Variants in PTGER2 observed in about 807,000 individuals in gnomAD.
PTGER2 encodes prostaglandin E2 receptor EP2 subtype.
A neutral mutation model predicts 26.2 loss-of-function variants in PTGER2; 22 were observed. That is an observed-to-expected ratio of 0.84 (90% confidence interval 0.60 to 1.20). The LOEUF (loss-of-function observed/expected upper bound fraction) is 1.20, where lower values mean the gene tolerates loss of function less well. Among genes scored for constraint, PTGER2 ranks in the 50% most tolerant of loss-of-function variants. PTGER2 has a pLI of 0.00. For missense variants in PTGER2, 458 were observed against 475.2 expected (o/e 0.96, Z 0.34); for synonymous variants, 219 against 208.9 (o/e 1.05, Z -0.42).
intron 1 of PTGER2, among the ~76,000 whole-genome samples, chr14:52,321,862 A>G (rs2033899095): frequency 2.0e-5 from 3 of 152,346 alleles, no homozygotes; most frequent in Middle Eastern, 3.4e-3. Context: ...ATCAGATTGT[A>G]TATTAATGGT....
chr14:52,324,049 T>C (rs942933076), intron 1 of PTGER2, among the ~76,000 whole-genome samples: 1 of 152,224 alleles, frequency 6.6e-6, no homozygotes, highest in Non-Finnish European at 1.5e-5. Context: ...GGGCAGTTAT[T>C]GTTTAATGGG....
chr14:52,314,759 G>T lies in PTGER2; in HGVS notation c.211G>T (p.Val71Leu), dbSNP rs781057105. ...CTCCCTCTCCTTGTTCCACGTGCTG[G>T]TGACCGAGCTGGTGTTCACCGACCT... ...RSSLSLFHVL[V>L]TELVFTDLLG... Residue 71 changes from valine (V) to leucine (L), a missense_variant, in exon 1 of 2, where the codon GTG (valine) becomes TTG (leucine). Val to Leu is a conservative substitution (Grantham distance 32). Transcript: ENST00000245457. The surrounding 1 kb of genome is among the most constrained non-coding windows in gnomAD (Gnocchi z 5.7). 1 of 1,603,864 alleles carries T rather than the reference G, an allele frequency of 6.2e-7. No individual in the cohort carries two copies. The highest frequency in any genetic ancestry group is 1.1e-5 in the South Asian group (1 of 90,692).
rs935989917 is a variant in PTGER2 at position 52,324,722 on chromosome 14, A to G, written c.844-2499A>G. ...ATTTTTTAAAATCCCAGTATCCATA[A>G]GATCAAAAATATAGTAATCTAGGCA... On this transcript the variant is annotated intron_variant, in intron 1 of 1. Transcript: ENST00000245457. Among the ~76,000 whole-genome samples, 5 of 152,250 alleles carry G rather than the reference A, an allele frequency of 3.3e-5. 1 individual carries two copies. The highest frequency in any genetic ancestry group is 1.3e-4 in the Admixed American group (2 of 15,288).
chr14:52,327,102 A>G, intron 1 of PTGER2, 119 bp from the exon 2 acceptor site: 1 of 706,012 alleles, frequency 1.4e-6, no homozygotes, highest in South Asian at 1.9e-5. Flanking sequence ...TTCGTTCCCC[A>G]CCACTACCAC....
chr14:52,316,871 C>T (rs1020264570), intron 1 of PTGER2, among the ~76,000 whole-genome samples: 5 of 152,158 alleles, frequency 3.3e-5, no homozygotes, highest in East Asian at 3.8e-4. Flanking sequence ...AAAATGAAGT[C>T]GGACTGTGGG....
chr14:52,327,175 G>C (rs373505677), intron 1 of PTGER2, 46 bp from the exon 2 acceptor site: 1 of 1,375,384 alleles, frequency 7.3e-7, no homozygotes, highest in African/African-American at 1.4e-5. Context: ...CCTGTCTACT[G>C]CTACGATGTA....
At position 52,323,723 on chromosome 14, in the gene PTGER2, A is replaced by G. The variant is rs545510379; in HGVS notation, c.844-3498A>G. On this transcript the variant is annotated intron_variant, in intron 1 of 1. Transcript: ENST00000245457. ...TTTCTATGGGAGGCTGCTTCTATAC[A>G]TGACAATGCTAAAATAGCACTAATT... 3.3e-5 allele frequency among the ~76,000 whole-genome samples: 5 copies of G among 152,378 alleles called. No homozygotes were observed. The South Asian group carries it at 1.0e-3, about 32-fold the overall frequency.
rs2033828512 is a variant in PTGER2, at chr14:52,315,332, C to A, written c.784C>A (p.His262Asn). 2 of 1,613,330 alleles carry A rather than the reference C, an allele frequency of 1.2e-6. No homozygotes were observed. Among genetic ancestry groups the A allele is most frequent in the Non-Finnish European group, 1.7e-6 (2 of 1,179,860 alleles). ...GGTGTCCATGGCGGAGGAGACGGAC[C>A]ACCTCATTCTCCTGGCTATCATGAC... is the stretch of plus-strand genomic sequence containing the variant. ...ERVSMAEETD[H>N]LILLAIMTIT... Residue 262 changes from histidine (H) to asparagine (N), a missense_variant, in exon 1 of 2, where the codon CAC (histidine) becomes AAC (asparagine). Physicochemically the swap from His to Asn is moderately conservative, Grantham distance 68. Transcript: ENST00000245457.
chr14:52,327,594 C>T lies in PTGER2; in HGVS notation c.*140C>T, dbSNP rs984624235. On this transcript the variant is annotated 3_prime_UTR_variant, in exon 2 of 2. Coordinates refer to ENST00000245457, the MANE Select transcript of PTGER2 (RefSeq NM_000956.4). ...AGTATACAAACATTTAAGCTGTGGTCAAGGCTACAGATGTGCTGACAAGGC... is the reference window on the plus strand; with the variant it reads ...AGTATACAAACATTTAAGCTGTGGTTAAGGCTACAGATGTGCTGACAAGGC... 2 of 716,346 alleles carry T rather than the reference C, an allele frequency of 2.8e-6. No homozygotes were observed. Among genetic ancestry groups the T allele is most frequent in the African/African-American group, 3.6e-5 (2 of 55,900 alleles). 44.4% of individuals were successfully genotyped at this position (716,346 alleles called of 1,614,324 possible). A position where few individuals can be genotyped will look rare whatever the true frequency, so the allele number is the denominator to read the frequency against.
intron 1 of PTGER2, 45 bp from the exon 2 acceptor site, chr14:52,327,176 C>A: frequency 7.2e-7 from 1 of 1,379,584 alleles, no homozygotes; most frequent in Non-Finnish European, 1.0e-6. Flanking sequence ...CTGTCTACTG[C>A]TACGATGTAA....
In PTGER2 at chr14:52,327,462, A is replaced by C; in HGVS notation, c.*8A>C. ...AAACAGGCTGACCTTTGAGGTCAGT[A>C]GTTTAAAAGTTCTTAGTTATATAGC... On this transcript the variant is annotated 3_prime_UTR_variant, in exon 2 of 2. Coordinates refer to ENST00000245457, the MANE Select transcript of PTGER2 (RefSeq NM_000956.4). The C allele has an allele frequency of 1.3e-6, 2 of 1,554,336 alleles. No homozygotes were observed. Among genetic ancestry groups the C allele is most frequent in the Non-Finnish European group, 1.8e-6 (2 of 1,130,294 alleles).
In PTGER2 at chr14:52,328,366, G is replaced by C. The variant is rs770218794; in HGVS notation, c.*912G>C. On this transcript the variant is annotated 3_prime_UTR_variant, in exon 2 of 2. Transcript: ENST00000245457. Reference sequence around the variant, plus strand: ...GCCATGAGTAAAATAGATTTTATAAGATGACTGTGTTGTACCAAAATTCAT... The same window carrying C: ...GCCATGAGTAAAATAGATTTTATAACATGACTGTGTTGTACCAAAATTCAT... 6.6e-6 allele frequency: 1 copy of C among 152,620 alleles called. No homozygotes were observed. Among genetic ancestry groups the C allele is most frequent in the Non-Finnish European group, 1.5e-5 (1 of 68,028 alleles). The allele number at this position is 152,620 out of a possible 1,614,324, so 9.5% of individuals were successfully genotyped here. A position where few individuals can be genotyped will look rare whatever the true frequency, so the allele number is the denominator to read the frequency against.
chr14:52,318,917 A>G (rs1566495691), intron 1 of PTGER2, among the ~76,000 whole-genome samples: 1 of 152,194 alleles, frequency 6.6e-6, no homozygotes, highest in African/African-American at 2.4e-5. Context: ...GCATTAACCC[A>G]TTATCTTCAC....
chr14:52,317,253 G>C (rs530341625), intron 1 of PTGER2, among the ~76,000 whole-genome samples: 1 of 152,228 alleles, frequency 6.6e-6, no homozygotes, highest in East Asian at 1.9e-4. Context: ...TGGGTTTGGG[G>C]TGATAACACA....
At chr14:52,318,165 A>C (rs1192667376) in intron 1 of PTGER2, among the ~76,000 whole-genome samples, 1 of 152,230 alleles carries the variant, frequency 6.6e-6, no homozygotes, top group East Asian at 1.9e-4. Flanking sequence ...AATTGTGGTC[A>C]GAAGTGGCCT....
In PTGER2 at chr14:52,318,504, T is replaced by C. The variant is rs146772497; in HGVS notation, c.843+3113T>C. ...AAGCTATTCCAAGTAAGTTTCTTCC[T>C]TGTATCCCAGAAAATAGTAGCAATC... On this transcript the variant is annotated intron_variant, in intron 1 of 1. Coordinates refer to ENST00000245457, the MANE Select transcript of PTGER2 (RefSeq NM_000956.4). Among the ~76,000 whole-genome samples the C allele has an allele frequency of 1.1e-4, 17 of 152,372 alleles. 1 individual carries two copies. In the East Asian group the frequency reaches 3.3e-3, roughly 29 times the overall value.
intron 1 of PTGER2, among the ~76,000 whole-genome samples, chr14:52,316,770 C>T (rs1204964212): frequency 4.6e-5 from 7 of 152,190 alleles, no homozygotes. Flanking sequence ...TGTCCTCACC[C>T]TTCTACCCCA....
Position 52,314,985 on chromosome 14 carries a change from G to C in PTGER2, c.437G>C (p.Arg146Pro). 1 of 1,613,338 alleles carries C rather than the reference G, an allele frequency of 6.2e-7. No homozygotes were observed. Among genetic ancestry groups the C allele is most frequent in the South Asian group, 1.1e-5 (1 of 91,062 alleles). Residue 146 changes from arginine (R) to proline (P), a missense_variant, in exon 1 of 2, where the codon CGC (arginine) becomes CCC (proline). Transcript: ENST00000245457. This position sits in a 1 kb window ranked among gnomAD's most constrained non-coding sequence, Gnocchi z 5.7. ...LSIGHPYFYQ[R>P]RVSRSGGLAV... ...ATCGGGCACCCCTACTTCTACCAGC[G>C]CCGCGTCTCGCGCTCCGGGGGCCTG... is the stretch of plus-strand genomic sequence containing the variant.
At position 52,315,060 on chromosome 14, in the gene PTGER2, C is replaced by T; in HGVS notation, c.512C>T (p.Pro171Leu). 1.2e-6 allele frequency: 2 copies of T among 1,612,582 alleles called. No homozygotes were observed. Among genetic ancestry groups the T allele is most frequent in the Non-Finnish European group, 1.7e-6 (2 of 1,179,946 alleles). ...YAVSLLFCSL[P>L]LLDYGQYVQY... ...GTCTCCCTGCTCTTCTGCTCGCTGC[C>T]GCTGCTGGACTATGGGCAGTACGTC... is the stretch of plus-strand genomic sequence containing the variant. Residue 171 changes from proline (P) to leucine (L), a missense_variant, in exon 1 of 2, where the codon CCG (proline) becomes CTG (leucine). By Grantham distance (98) the Pro-to-Leu change is moderately conservative (BLOSUM62 -3). Coordinates refer to ENST00000245457, the MANE Select transcript of PTGER2 (RefSeq NM_000956.4).
Sources: allele counts gnomAD v4.1 joint callset (sites outside exome capture counted in the v4.1 genomes callset), GRCh38; gene constraint gnomAD v4.1.1; non-coding constraint Gnocchi (gnomAD v3.1); transcripts MANE v1.5; gene names NCBI Gene and HGNC (gene_info 2026-07-23, HGNC 2026-07-21).